The following LTBP1 variants were observed in gnomAD, a reference collection of about 807,000 sequenced individuals.
LTBP1 encodes latent transforming growth factor beta binding protein 1, also known as latent-transforming growth factor beta-binding protein 1.
LTBP1 carries 129 observed loss-of-function variants against 207.6 expected under a neutral mutation model. The ratio of observed to expected loss-of-function variants is 0.62; its 90% CI spans 0.54 to 0.72. The LOEUF (loss-of-function observed/expected upper bound fraction) is 0.72. Ranked by LOEUF, LTBP1 falls within the 30% of genes least tolerant of loss-of-function variation. LTBP1 has a pLI of 0.00. For synonymous variants in LTBP1, 963 were observed against 833.7 expected, an observed-to-expected ratio of 1.16 and a Z score of -2.67; for missense variants, 2,281 against 2,217.2, an observed-to-expected ratio of 1.03 and a Z score of -0.58.
At chr2:33,201,413 G>T (rs1348167872) in intron 7 of LTBP1, among the ~76,000 whole-genome samples, 1 of 150,896 alleles carries the variant, frequency 6.6e-6, no homozygotes, top group Non-Finnish European at 1.5e-5. Flanking sequence ...TCACTCATAG[G>T]TGGGAATTGA....
chr2:33,065,432 T>C (rs1034195734), intron 3 of LTBP1, among the ~76,000 whole-genome samples: 20 of 152,142 alleles, frequency 1.3e-4, no homozygotes, highest in Admixed American at 6.5e-5. Context: ...TGCACGCCTG[T>C]AGCCCAAGCT....
At chr2:33,116,282 A>G (rs2080741266) in intron 4 of LTBP1, among the ~76,000 whole-genome samples, 1 of 152,222 alleles carries the variant, frequency 6.6e-6, no homozygotes, top group South Asian at 2.1e-4. Context: ...TCTCATTGCT[A>G]ATTCCAGTTG....
chr2:33,025,428 A>G (rs2075369817), intron 3 of LTBP1, among the ~76,000 whole-genome samples: 1 of 152,220 alleles, frequency 6.6e-6, no homozygotes, highest in Admixed American at 6.5e-5. Context: ...AACAATTCCA[A>G]AAAGACACAA....
intron 12 of LTBP1, among the ~76,000 whole-genome samples, chr2:33,257,973 G>A (rs2092908568): frequency 6.6e-6 from 1 of 152,234 alleles, no homozygotes; most frequent in Non-Finnish European, 1.5e-5. Context: ...CAGTTGAAGA[G>A]ATCTGGTGAT....
At position 33,315,204 on chromosome 2, in the gene LTBP1, A is replaced by T. The variant is rs996633642; in HGVS notation, c.3665A>T (p.Glu1222Val). 4.3e-6 allele frequency: 7 copies of T among 1,613,386 alleles called. No homozygotes were observed. Among genetic ancestry groups the T allele is most frequent in the Non-Finnish European group, 5.9e-6 (7 of 1,179,712 alleles). Reference sequence around the variant, plus strand: ...CCGCAAGGGGAGTGCCTAAACACAGAGGGTTCTTTCCATTGTGTCTGCCAG... The same window carrying T: ...CCGCAAGGGGAGTGCCTAAACACAGTGGGTTCTTTCCATTGTGTCTGCCAG... Reference protein sequence around the residue: ...CGPQGECLNTEGSFHCVCQQG... With the variant: ...CGPQGECLNTVGSFHCVCQQG... The change falls in exon 24 of 34, where the codon GAG becomes GTG. Residue 1222 changes from glutamate to valine, a missense_variant. Around this residue, in one of 3 missense-constraint regions of LTBP1, gnomAD observed 1,671 missense variants for 1,634.8 expected, o/e 1.02. Transcript: ENST00000404816.
At chr2:32,953,384 G>T (rs563324142) in intron 2 of LTBP1, among the ~76,000 whole-genome samples, 2 of 152,284 alleles carry the variant, frequency 1.3e-5, no homozygotes, top group African/African-American at 4.8e-5. Context: ...ATGGCCATTG[G>T]CAGCTGCTTT....
At chr2:33,048,338 G>A (rs781449982) in intron 3 of LTBP1, among the ~76,000 whole-genome samples, 14 of 152,164 alleles carry the variant, frequency 9.2e-5, no homozygotes, top group Non-Finnish European at 1.3e-4. Context: ...TTCTGGGAGT[G>A]CAGTAAAAAT....
Position 32,947,650 on chromosome 2 carries a change from C to A in LTBP1, c.326C>A (p.Ala109Glu). ...CCGCCGCCGCCGCCGCCGGAGCCTG[C>A]GCGTCCCGCGGTCCCCGGCGGGCAG... is the stretch of plus-strand genomic sequence containing the variant. ...RPPPPPPPEP[A>E]RPAVPGGQLH... The change falls in exon 1 of 34, where the codon GCG (alanine) becomes GAG (glutamate). Residue 109 changes from alanine (A) to glutamate (E), a missense_variant. Transcript: ENST00000404816. The A allele has an allele frequency of 7.1e-7, 1 of 1,401,882 alleles. No individual in the cohort carries two copies. The highest frequency in any genetic ancestry group is 9.3e-7 in the Non-Finnish European group (1 of 1,075,808). 86.8% of individuals were successfully genotyped at this position (1,401,882 alleles called of 1,614,324 possible). A position where few individuals can be genotyped will look rare whatever the true frequency, so the allele number is the denominator to read the frequency against.
chr2:33,165,296 A>G (rs2148251905), intron 5 of LTBP1, among the ~76,000 whole-genome samples: 1 of 152,350 alleles, frequency 6.6e-6, no homozygotes, highest in African/African-American at 2.4e-5. Context: ...ACTTGGACAA[A>G]GGCATTGAAG....
chr2:33,045,870 G>T (rs2076415899), intron 3 of LTBP1, among the ~76,000 whole-genome samples: 1 of 152,082 alleles, frequency 6.6e-6, no homozygotes, highest in South Asian at 2.1e-4. Flanking sequence ...TATTCCCTTT[G>T]TAGCAATTTT....
At chr2:33,385,195 G>C (rs1045155539) in intron 31 of LTBP1, among the ~76,000 whole-genome samples, 9 of 152,180 alleles carry the variant, frequency 5.9e-5, no homozygotes, top group African/African-American at 2.2e-4. Flanking sequence ...CCTTGTTTGA[G>C]AGGAAGTCTA....
intron 4 of LTBP1, among the ~76,000 whole-genome samples, chr2:33,131,175 C>T (rs1331533451): frequency 1.3e-5 from 2 of 152,154 alleles, no homozygotes; most frequent in Admixed American, 6.5e-5. Context: ...GTCTATTCCA[C>T]AATTATTGGG....
At chr2:33,072,105 G>T (rs373771539) in intron 3 of LTBP1, among the ~76,000 whole-genome samples, 13 of 152,164 alleles carry the variant, frequency 8.5e-5, no homozygotes, top group African/African-American at 3.1e-4. Flanking sequence ...TCAAGTTGGG[G>T]TTCCCATGAT....
At chr2:33,180,919 A>G (rs954685426) in intron 5 of LTBP1, among the ~76,000 whole-genome samples, 2 of 152,254 alleles carry the variant, frequency 1.3e-5, no homozygotes. Context: ...AGGGATATCA[A>G]CAAAAATGCT....
chr2:33,036,231 C>G (rs1410655446), intron 3 of LTBP1, among the ~76,000 whole-genome samples: 1 of 151,956 alleles, frequency 6.6e-6, no homozygotes, highest in African/African-American at 2.4e-5. Flanking sequence ...TTTGGTGGGT[C>G]TGGGGAGGGG....
At chr2:33,349,412 C>T (rs1350298674) in intron 26 of LTBP1, among the ~76,000 whole-genome samples, 1 of 151,852 alleles carries the variant, frequency 6.6e-6, no homozygotes, top group Admixed American at 6.6e-5. Flanking sequence ...TGCACTCCAG[C>T]CTGAGCAACA....
At chr2:33,051,595 C>T (rs577848900) in intron 3 of LTBP1, among the ~76,000 whole-genome samples, 4 of 152,156 alleles carry the variant, frequency 2.6e-5, no homozygotes, top group African/African-American at 9.6e-5. Context: ...TTTGCATGGC[C>T]CCGGAGTGCC....
At chr2:33,163,381 T>A (rs1294497399) in intron 5 of LTBP1, among the ~76,000 whole-genome samples, 2 of 152,192 alleles carry the variant, frequency 1.3e-5, no homozygotes, top group Non-Finnish European at 2.9e-5. Flanking sequence ...CTGGACATGA[T>A]ATTAAACGTG....
At chr2:33,062,602 T>A (rs2077318512) in intron 3 of LTBP1, among the ~76,000 whole-genome samples, 1 of 152,194 alleles carries the variant, frequency 6.6e-6, no homozygotes, top group Non-Finnish European at 1.5e-5. Context: ...AAAAAATCAG[T>A]TGACCATATA....
Sources: gnomAD v4.1 joint callset for allele counts (sites outside exome capture counted in the v4.1 genomes callset) on GRCh38, gnomAD v4.1.1 for gene constraint, gnomAD v4.1.1 regional missense constraint, MANE v1.5 for transcripts, NCBI Gene and HGNC (gene_info 2026-07-23, HGNC 2026-07-21) for gene names.